The following MYO7A variants were observed in gnomAD, a reference collection of about 807,000 sequenced individuals.
The protein encoded by MYO7A is myosin VIIA.
MYO7A carries 210 observed loss-of-function variants against 263.8 expected under a neutral mutation model. The observed-to-expected ratio is 0.80, with a 90% CI of 0.71 to 0.89. The LOEUF is 0.89. MYO7A is among the 40% of genes least tolerant of loss of function. The pLI is 0.00. For missense variants in MYO7A, 2,820 were observed against 2,968.3 expected, an observed-to-expected ratio of 0.95 and a Z score of 1.16; for synonymous variants, 1,239 against 1,197.3, an observed-to-expected ratio of 1.03 and a Z score of -0.72.
rs755681469 is a variant in MYO7A, at chr11:77,206,202, G to A, written c.5742G>A (p.Glu1914=). 1.7e-5 allele frequency: 28 copies of A among 1,608,348 alleles called. No homozygotes were observed. Among genetic ancestry groups the A allele is most frequent in the Non-Finnish European group, 2.0e-5 (23 of 1,176,168 alleles). The change falls in exon 41 of 49, where the codon GAG becomes GAA. Residue 1914 remains glutamate (E), a splice_region_variant and synonymous_variant. Coordinates refer to ENST00000409709, the MANE Select transcript of MYO7A (RefSeq NM_000260.4). ...HKVYFPDDTD[E]AFEVESSTKA... ...TCTACTTCCCTGATGACACTGACGA[G>A]GTGAGGGTCACCGGCTTCTAGGTCT...
In MYO7A at chr11:77,161,113, C is replaced by G. The variant is rs782816627; in HGVS notation, c.1341C>G (p.Asn447Lys). ...DIFGFENFAV[N>K]SFEQLCINFA... is the part of the protein sequence containing the mutation. ...TTGGGTTTGAGAACTTTGCTGTGAA[C>G]AGGTACCGCGTGGGGCTCTGCTCAT... is the stretch of plus-strand genomic sequence containing the variant. Residue 447 changes from asparagine to lysine, a missense_variant and splice_region_variant, in exon 12 of 49, where the codon AAC (asparagine) becomes AAG (lysine). Asn to Lys is a moderately conservative substitution (Grantham distance 94, BLOSUM62 0). Transcript: ENST00000409709. 1.2e-6 allele frequency: 2 copies of G among 1,613,892 alleles called. No individual in the cohort carries two copies.
At chr11:77,197,149 C>A (rs961535697) in intron 32 of MYO7A, among the ~76,000 whole-genome samples, 5 of 152,232 alleles carry the variant, frequency 3.3e-5, no homozygotes, top group African/African-American at 1.2e-4. Context: ...CCTACTGACC[C>A]CAGGGCCTTG....
intron 39 of MYO7A, 47 bp downstream of exon 39, chr11:77,204,276 T>G (rs1276140068): frequency 1.3e-6 from 2 of 1,546,852 alleles, no homozygotes; most frequent in East Asian, 4.9e-5. Flanking sequence ...TCACCTGCTG[T>G]GACGGGCAGC....
intron 2 of MYO7A, among the ~76,000 whole-genome samples, chr11:77,140,127 G>GT (rs1278512903): frequency 1.3e-5 from 2 of 152,136 alleles, no homozygotes; most frequent in African/African-American, 2.4e-5. Context: ...CTCACATGAA[G>GT]TTTTTTTTAT....
At chr11:77,190,941 C>T in intron 30 of MYO7A, 71 bp downstream of exon 30, 1 of 1,444,314 alleles carries the variant, frequency 6.9e-7, no homozygotes, top group Non-Finnish European at 9.3e-7. Flanking sequence ...GCCAGTGCTG[C>T]CACCTACTTG....
intron 17 of MYO7A, 105 bp from the exon 18 acceptor site, chr11:77,175,267 G>C: frequency 9.5e-7 from 1 of 1,054,982 alleles, no homozygotes; most frequent in Non-Finnish European, 1.4e-6. Context: ...TTCGAGTCAG[G>C]GGCAGAGCTC....
chr11:77,198,468 CCT>C (rs777229915), intron 33 of MYO7A, 25 bp from the exon 34 acceptor site: 1 of 1,608,898 alleles, frequency 6.2e-7, no homozygotes, highest in Non-Finnish European at 8.5e-7. Flanking sequence ...GGGAGGCCTG[CCT>C]CTCAGTGCCT....
intron 14 of MYO7A, 110 bp downstream of exon 14, chr11:77,163,098 T>G (rs1290854407): frequency 2.4e-6 from 3 of 1,225,206 alleles, no homozygotes; most frequent in Non-Finnish European, 3.4e-6. Flanking sequence ...AAAATTGTGA[T>G]TATTCATATA....
Position 77,166,094 on chromosome 11 carries a change from A to G in MYO7A, c.1729A>G (p.Ile577Val), listed in dbSNP as rs1953515507. Residue 577 changes from isoleucine (I) to valine (V), a missense_variant, in exon 15 of 49, where the codon ATT becomes GTT. Transcript: ENST00000409709. Reference protein sequence around the residue: ...EKNRDTLHGDIIQLVHSSRNK... With the variant: ...EKNRDTLHGDVIQLVHSSRNK... Reference sequence around the variant, plus strand: ...GAACCGAGACACCCTGCATGGGGACATTATCCAGCTGGTCCACTCCTCCAG... The same window carrying G: ...GAACCGAGACACCCTGCATGGGGACGTTATCCAGCTGGTCCACTCCTCCAG... 2 of 1,613,886 alleles carry G rather than the reference A, an allele frequency of 1.2e-6. No individual in the cohort carries two copies. Among genetic ancestry groups the G allele is most frequent in the Admixed American group, 1.7e-5 (1 of 60,018 alleles).
intron 27 of MYO7A, among the ~76,000 whole-genome samples, chr11:77,187,244 G>C (rs1425858011): frequency 6.6e-6 from 1 of 152,186 alleles, no homozygotes; most frequent in Non-Finnish European, 1.5e-5. Context: ...CGGGAAGTGA[G>C]CACATGCTGT....
At position 77,159,504 on chromosome 11, in the gene MYO7A, C is replaced by T; in HGVS notation, c.1061C>T (p.Thr354Ile). ...CEVLFSPSLA[T>I]AASLLEVNPP... ...GTTCTCTTCTCCCCATCGCTGGCCA[C>T]AGCTGCATCCCTGCTTGAGGTCAGT... The change falls in exon 10 of 49, where the codon ACA becomes ATA. Residue 354 changes from threonine (T) to isoleucine (I), a missense_variant. Thr to Ile is a moderately conservative substitution (Grantham distance 89). Coordinates refer to ENST00000409709, the MANE Select transcript of MYO7A (RefSeq NM_000260.4). The T allele has an allele frequency of 6.2e-7, 1 of 1,613,452 alleles. No homozygotes were observed. The highest frequency in any genetic ancestry group is 8.5e-7 in the Non-Finnish European group (1 of 1,179,820).
At position 77,180,388 on chromosome 11, in the gene MYO7A, C is replaced by T. The variant is rs782554940; in HGVS notation, c.2601C>T (p.Leu867=). The T allele has an allele frequency of 1.7e-5, 28 of 1,612,396 alleles. No homozygotes were observed. The Admixed American group carries it at 2.3e-4, about 13-fold the overall frequency. The change falls in exon 22 of 49, where the codon CTC becomes CTT. Residue 867 remains leucine (L), a synonymous_variant. Transcript: ENST00000409709. ...CCTTCCCTCAGTATCTGTGGCGCCT[C>T]GAGGCTGAGAAAATGCGGCTGGCGG... ...QRLRAEYLWR[L]EAEKMRLAEE...
intron 32 of MYO7A, among the ~76,000 whole-genome samples, chr11:77,194,999 G>A (rs1175432330): frequency 6.6e-6 from 1 of 152,126 alleles, no homozygotes; most frequent in Non-Finnish European, 1.5e-5. Context: ...TGGCCAGGTA[G>A]AGCAGGGGTA....
At chr11:77,205,647 C>T (rs780798229) in intron 40 of MYO7A, 30 bp downstream of exon 40, 2 of 1,611,464 alleles carry the variant, frequency 1.2e-6, no homozygotes, top group African/African-American at 2.7e-5. Context: ...CAGGGACAGA[C>T]ACTGGGGCGG....
At chr11:77,136,152 A>T (rs1321415026) in intron 2 of MYO7A, among the ~76,000 whole-genome samples, 2 of 152,212 alleles carry the variant, frequency 1.3e-5, no homozygotes, top group Non-Finnish European at 2.9e-5. Flanking sequence ...AGGGATAGTT[A>T]TGCCAGATAT....
intron 35 of MYO7A, 78 bp downstream of exon 35, chr11:77,199,896 C>A: frequency 7.4e-7 from 1 of 1,342,848 alleles, no homozygotes; most frequent in Non-Finnish European, 1.0e-6. Flanking sequence ...ATTTGTGTTG[C>A]TATAATGGAA....
At position 77,141,962 on chromosome 11, in the gene MYO7A, C is replaced by A. The variant is rs547882035; in HGVS notation, c.19-747C>A. Among the ~76,000 whole-genome samples, 38 of 152,390 alleles carry A rather than the reference C, an allele frequency of 2.5e-4. 1 individual carries two copies. The highest frequency in any genetic ancestry group is 8.9e-4 in the African/African-American group (37 of 41,594). On this transcript the variant is annotated intron_variant, in intron 2 of 48. Coordinates refer to ENST00000409709, the MANE Select transcript of MYO7A (RefSeq NM_000260.4). ...TCCATAATCACTGCTCAACCCCCAG[C>A]ATTTAGATTAATCAGTGCTTTGCAC...
chr11:77,178,084 T>G (rs1052425909), intron 19 of MYO7A, among the ~76,000 whole-genome samples: 29 of 151,696 alleles, frequency 1.9e-4, no homozygotes, highest in African/African-American at 5.8e-4. Flanking sequence ...ATTAAAGCTC[T>G]GCAAAAATTC....
At chr11:77,144,574 C>T (rs535850489) in intron 3 of MYO7A, among the ~76,000 whole-genome samples, 5 of 152,206 alleles carry the variant, frequency 3.3e-5, no homozygotes, top group African/African-American at 7.2e-5. Context: ...GCTTCCAGAC[C>T]GCTCCTTCAC....
Sources: allele counts gnomAD v4.1 joint callset (sites outside exome capture counted in the v4.1 genomes callset), GRCh38; gene constraint gnomAD v4.1.1; transcripts MANE v1.5; gene names NCBI Gene and HGNC (gene_info 2026-07-23, HGNC 2026-07-21).